DCAKD: variants seen among roughly 807,000 people sequenced by gnomAD.
The protein encoded by DCAKD is dephospho-CoA kinase domain containing.
In DCAKD, 15 loss-of-function variants were observed where a neutral mutation model predicts 18.7. The ratio of observed to expected loss-of-function variants is 0.80; its 90% CI spans 0.54 to 1.24. The LOEUF is 1.24. Among genes scored for constraint, DCAKD ranks in the 50% most tolerant of loss-of-function variants. The pLI, the probability that DCAKD is intolerant of heterozygous loss-of-function variation, is 0.00. For synonymous variants in DCAKD, 130 were observed against 133.0 expected, an observed-to-expected ratio of 0.98 and a Z score of 0.16; for missense variants, 301 against 322.0, an observed-to-expected ratio of 0.93 and a Z score of 0.50.
chr17:45,055,146 G>T (rs927612110), upstream of DCAKD, among the ~76,000 whole-genome samples: 1 of 152,136 alleles, frequency 6.6e-6, no homozygotes, highest in Admixed American at 6.6e-5. Flanking sequence ...TGTCTTTCAT[G>T]ATTCAGGATG....
In DCAKD at chr17:45,051,568, T is replaced by C. The variant is rs2053698137; in HGVS notation, c.-322A>G. ...CGCTACGTACCCAGCGCCTCCGCCG[T>C]GGCCCAGGCCTCCGCCTCTAGCCCA... On this transcript the variant is annotated 5_prime_UTR_variant, in exon 1 of 5. Transcript: ENST00000651974. 1 of 151,300 alleles carries C rather than the reference T, an allele frequency of 6.6e-6. No homozygotes were observed. The highest frequency in any genetic ancestry group is 2.4e-5 in the African/African-American group (1 of 41,258). The allele number at this position is 151,300 out of a possible 1,614,324, so 9.4% of individuals were successfully genotyped here.
intron 1 of DCAKD, among the ~76,000 whole-genome samples, chr17:45,057,665 T>C (rs1272672656): frequency 1.4e-5 from 2 of 146,796 alleles, no homozygotes; most frequent in Non-Finnish European, 3.0e-5. Flanking sequence ...ATAGTGCCAC[T>C]GCACTCCAGC....
At chr17:45,033,181 AAAAATAAAAT>A (rs10628158) in intron 3 of DCAKD, among the ~76,000 whole-genome samples, 4 of 150,982 alleles carry the variant, frequency 2.6e-5, no homozygotes, top group South Asian at 4.2e-4. Context: ...CCCCATCTCT[AAAAATAAAAT>A]AAAATAAAAT....
At position 45,034,235 on chromosome 17, in the gene DCAKD, CG is replaced by C. The variant is rs1567835120; in HGVS notation, c.267del (p.Glu90ArgfsTer6). 6.2e-7 allele frequency: 1 copy of C among 1,614,070 alleles called. No individual in the cohort carries two copies. Among genetic ancestry groups the C allele is most frequent in the Non-Finnish European group, 8.5e-7 (1 of 1,180,012 alleles). ...TCCTTCATCATCTCCTTGCGAATCTCGGGGTGGGTGATGGCGTTGAGCAGCT... is the reference window on the plus strand; with the variant it reads ...TCCTTCATCATCTCCTTGCGAATCTCGGGTGGGTGATGGCGTTGAGCAGCT... ...RRQLLNAITH[P>X]EIRKEMMKET... On this transcript the variant is annotated frameshift_variant, in exon 3 of 5. Transcript: ENST00000651974. LOFTEE classifies it high-confidence loss of function.
At chr17:45,040,505 G>A (rs2053409648) in intron 1 of DCAKD, among the ~76,000 whole-genome samples, 1 of 152,124 alleles carries the variant, frequency 6.6e-6, no homozygotes, top group African/African-American at 2.4e-5. Flanking sequence ...TTGGCTGGAG[G>A]CGGAAGGACA....
chr17:45,037,561 C>T (rs965359554), intron 1 of DCAKD, among the ~76,000 whole-genome samples: 3 of 151,486 alleles, frequency 2.0e-5, no homozygotes, highest in Non-Finnish European at 2.9e-5. Context: ...CAGGTTCAAG[C>T]GATTCTCCTG....
intron 3 of DCAKD, among the ~76,000 whole-genome samples, chr17:45,032,424 G>A (rs747635504): frequency 3.9e-5 from 6 of 152,054 alleles, no homozygotes; most frequent in Non-Finnish European, 5.9e-5. Context: ...ACAGGGGGAT[G>A]AGGGTGGGGG....
intron 1 of DCAKD, among the ~76,000 whole-genome samples, chr17:45,041,083 A>G (rs533350508): frequency 1.8e-4 from 27 of 152,060 alleles, no homozygotes; most frequent in Non-Finnish European, 3.4e-4. Flanking sequence ...CAGTAGCCTC[A>G]TGACCTGACC....
At chr17:45,060,497 G>A (rs187610815) in intron 1 of DCAKD, among the ~76,000 whole-genome samples, 10 of 152,110 alleles carry the variant, frequency 6.6e-5, no homozygotes, top group Admixed American at 5.9e-4. Flanking sequence ...GGCGACAGAA[G>A]GCGGCCGTAT....
intron 1 of DCAKD, among the ~76,000 whole-genome samples, chr17:45,057,983 C>G (rs890956606): frequency 2.3e-5 from 3 of 130,690 alleles, no homozygotes; most frequent in Non-Finnish European, 4.6e-5. Flanking sequence ...TGCACTCCAA[C>G]TTGGGTGACA....
At chr17:45,045,125 G>C (rs998042344) in intron 1 of DCAKD, among the ~76,000 whole-genome samples, 1 of 151,542 alleles carries the variant, frequency 6.6e-6, no homozygotes, top group African/African-American at 2.4e-5. Context: ...CCTTTATCTA[G>C]GTATCTAGGT....
chr17:45,044,218 C>T (rs1284335184), intron 1 of DCAKD, among the ~76,000 whole-genome samples: 4 of 152,110 alleles, frequency 2.6e-5, no homozygotes, highest in African/African-American at 9.7e-5. Context: ...AACCACTCCC[C>T]CCTACATCAC....
At position 45,032,098 on chromosome 17, in the gene DCAKD, G is replaced by A. The variant is rs76640325; in HGVS notation, c.317-1919C>T. On this transcript the variant is annotated intron_variant, in intron 3 of 4. Transcript: ENST00000651974. ...AGAAGGGGAGAGCCACTGCCGCCTC[G>A]AAGCCCTGCAGATATACCAGTAACT... 10,212 of 985,346 alleles carry A rather than the reference G, an allele frequency of 0.01. 730 individuals carry two copies. The African/African-American group carries it at 0.16, about 15-fold the overall frequency. The allele number at this position is 985,346 out of a possible 1,614,324, so 61.0% of individuals were successfully genotyped here.
exon 1 of DCAKD, chr17:45,060,958 G>A: frequency 1.0e-6 from 1 of 975,230 alleles, no homozygotes; most frequent in South Asian, 3.4e-5. Context: ...GCAAGGGCAG[G>A]CTGAAATCAA....
chr17:45,041,956 A>T (rs541255043), intron 1 of DCAKD, among the ~76,000 whole-genome samples: 2 of 146,726 alleles, frequency 1.4e-5, no homozygotes, highest in Non-Finnish European at 3.0e-5. Context: ...CTGTCTCTTA[A>T]AAAAAAAAAA....
At chr17:45,058,853 T>C (rs560354413) in intron 1 of DCAKD, among the ~76,000 whole-genome samples, 173 of 152,322 alleles carry the variant, frequency 1.1e-3, no homozygotes, top group African/African-American at 3.9e-3. Context: ...TGAGTGGGCA[T>C]CTTTGACTGC....
chr17:45,056,093 T>G (rs2053776337), upstream of DCAKD, among the ~76,000 whole-genome samples: 1 of 151,042 alleles, frequency 6.6e-6, no homozygotes, highest in Admixed American at 6.6e-5. Context: ...AGGCAGAGGT[T>G]GCAGTGAGGA....
At chr17:45,036,089 G>A (rs181508264) in intron 1 of DCAKD, among the ~76,000 whole-genome samples, 27 of 152,266 alleles carry the variant, frequency 1.8e-4, no homozygotes, top group South Asian at 1.5e-3. Flanking sequence ...ACCAAGCAGC[G>A]GCAGCACGGC....
chr17:45,042,489 C>CG (rs1276187696), intron 1 of DCAKD, among the ~76,000 whole-genome samples: 1 of 152,198 alleles, frequency 6.6e-6, no homozygotes, highest in African/African-American at 2.4e-5. Context: ...CTCCCCTTGC[C>CG]GCCTCTCAGG....
Sources: allele counts gnomAD v4.1 joint callset (sites outside exome capture counted in the v4.1 genomes callset), GRCh38; gene constraint gnomAD v4.1.1; transcripts MANE v1.5; gene names NCBI Gene and HGNC (gene_info 2026-07-23, HGNC 2026-07-21).